The following FLT4 variants were observed in gnomAD, a reference collection of about 807,000 sequenced individuals.
FLT4 encodes fms related receptor tyrosine kinase 4.
In FLT4, 30 loss-of-function variants were observed where a neutral mutation model predicts 163.2. The ratio of observed to expected loss-of-function variants is 0.18; its 90% CI spans 0.14 to 0.25. The LOEUF is 0.25. FLT4 is among the 10% of genes least tolerant of loss of function. The pLI is 1.00. For synonymous variants in FLT4, 884 were observed against 789.5 expected, an observed-to-expected ratio of 1.12 and a Z score of -2.01; for missense variants, 1,510 against 1,863.8, an observed-to-expected ratio of 0.81 and a Z score of 3.50.
At chr5:180,608,670 G>A (rs1384430739) in intron 29 of FLT4, among the ~76,000 whole-genome samples, 1 of 152,140 alleles carries the variant, frequency 6.6e-6, no homozygotes, top group African/African-American at 2.4e-5. Flanking sequence ...GAGAGTGTGT[G>A]TGCCCTGGGC....
In FLT4 at chr5:180,637,681, C is replaced by T. The variant is rs144453623; in HGVS notation, c.59-5903G>A. ...CTGGGTAGCTGGGATTACAGGCATG[C>T]GCCATCACGCCCAGCTAATTTTGTA... On this transcript the variant is annotated intron_variant, in intron 1 of 29. Coordinates refer to ENST00000261937, the MANE Select transcript of FLT4 (RefSeq NM_182925.5). Among the ~76,000 whole-genome samples the T allele has an allele frequency of 3.3e-3, 503 of 152,258 alleles. 1 individual carries two copies. The highest frequency in any genetic ancestry group is 0.011 in the African/African-American group (477 of 41,546).
At chr5:180,629,157 G>C in intron 7 of FLT4, 102 bp downstream of exon 7, 1 of 1,505,426 alleles carries the variant, frequency 6.6e-7, no homozygotes, top group Admixed American at 1.7e-5. Flanking sequence ...CTCTGCTCGT[G>C]GCCCTCCCTT....
intron 1 of FLT4, among the ~76,000 whole-genome samples, chr5:180,635,910 T>G (rs1581697404): frequency 2.3e-5 from 1 of 42,692 alleles, no homozygotes; most frequent in East Asian, 9.1e-4. Context: ...GATGGGTGGG[T>G]GGGTGGGTGG....
chr5:180,632,599 GGTGTGTGTGT>G (rs36217296), intron 1 of FLT4, among the ~76,000 whole-genome samples: 5,459 of 150,682 alleles, frequency 0.036, 290 homozygotes, highest in African/African-American at 0.11. Flanking sequence ...CCCGTGAGGT[GGTGTGTGTGT>G]GTGTGTGTGT....
Position 180,613,048 on chromosome 5 carries a change from T to A in FLT4, c.3394A>T (p.Thr1132Ser), listed in dbSNP as rs1159831646. The A allele has an allele frequency of 6.2e-7, 1 of 1,613,664 alleles. No homozygotes were observed. Among genetic ancestry groups the A allele is most frequent in the Non-Finnish European group, 8.5e-7 (1 of 1,179,746 alleles). ...EEFCQRLRDG[T>S]RMRAPELATP... ...GCCAGCTCCGGGGCCCTCATCCTTG[T>A]GCCGTCTCTCAGCCGCTGGCAGAAC... The change falls in exon 25 of 30, where the codon ACA becomes TCA. Residue 1132 changes from threonine to serine, a missense_variant. Around this residue, in one of 5 missense-constraint regions of FLT4, gnomAD observed 17 missense variants for 76.2 expected, o/e 0.22. Transcript: ENST00000261937.
intron 13 of FLT4, 53 bp downstream of exon 13, chr5:180,621,489 G>A: frequency 6.3e-7 from 1 of 1,596,610 alleles, no homozygotes; most frequent in Non-Finnish European, 8.5e-7. Flanking sequence ...AAAGGCAGAG[G>A]CAGCTACTGC....
intron 27 of FLT4, 71 bp downstream of exon 27, chr5:180,611,260 C>A (rs528055732): frequency 1.0e-5 from 16 of 1,563,492 alleles, no homozygotes; most frequent in South Asian, 5.5e-5. Flanking sequence ...CCCGATGACG[C>A]AGAGGGATAA....
chr5:180,640,947 A>G (rs1176786982), intron 1 of FLT4, among the ~76,000 whole-genome samples: 1 of 152,292 alleles, frequency 6.6e-6, no homozygotes, highest in Non-Finnish European at 1.5e-5. Context: ...ATGATGGCTG[A>G]GTCCACAGGG....
intron 8 of FLT4, among the ~76,000 whole-genome samples, chr5:180,628,658 T>A (rs1361504221): frequency 6.6e-6 from 1 of 152,180 alleles, no homozygotes; most frequent in Non-Finnish European, 1.5e-5. Flanking sequence ...AGAAGGCTGG[T>A]ACTGAAACCT....
Position 180,602,543 on chromosome 5 carries a change from G to A in FLT4, c.*649C>T, listed in dbSNP as rs536466548. ...GCAGGATGGCTCTCAACACCCAGGC[G>A]CAGGTGTGCGGGCTGCCTCTGTGTT... On this transcript the variant is annotated 3_prime_UTR_variant, in exon 30 of 30. Transcript: ENST00000261937. The A allele has an allele frequency of 4.3e-5, 17 of 399,604 alleles. No individual in the cohort carries two copies. Among genetic ancestry groups the A allele is most frequent in the Middle Eastern group, 1.3e-3 (2 of 1,590 alleles). 24.8% of individuals were successfully genotyped at this position (399,604 alleles called of 1,614,324 possible).
In FLT4 at chr5:180,620,404, C is replaced by T; in HGVS notation, c.2407-96G>A. 1 of 1,505,432 alleles carries T rather than the reference C, an allele frequency of 6.6e-7. No individual in the cohort carries two copies. 93.3% of individuals were successfully genotyped at this position (1,505,432 alleles called of 1,614,324 possible). ...CTTTGCCCAGGACAGATGGCACTTC[C>T]TGCGGGGTTCTCAGTCAAGGAGGGG... On this transcript the variant is annotated intron_variant, in intron 16 of 29. Transcript: ENST00000261937. This position sits in a 1 kb window ranked among gnomAD's most constrained non-coding sequence, Gnocchi z 4.4.
intron 8 of FLT4, among the ~76,000 whole-genome samples, chr5:180,627,703 C>T (rs1763742821): frequency 6.6e-6 from 1 of 152,154 alleles, no homozygotes; most frequent in Non-Finnish European, 1.5e-5. Context: ...GAGGCAGCTG[C>T]CTGAGGACTG....
chr5:180,625,164 T>C (rs574626242), intron 10 of FLT4, among the ~76,000 whole-genome samples: 18 of 152,326 alleles, frequency 1.2e-4, no homozygotes, highest in African/African-American at 4.1e-4. Context: ...AATCTCTTGC[T>C]AAAAGGCAAA....
Position 180,614,278 on chromosome 5 carries a change from G to GAGGGAAGCGTGTCCCGCGA in FLT4, c.3220-100_3220-99insTCGCGGGACACGCTTCCCT, listed in dbSNP as rs1762455011. ...GAGACGGAGGGAAGCGTGTCCTGCG[G>GAGGGAAGCGTGTCCCGCGA]TGGATGGGGAGACGGAGGGAAGCGT... On this transcript the variant is annotated intron_variant, in intron 23 of 29. Transcript: ENST00000261937. The GAGGGAAGCGTGTCCCGCGA allele has an allele frequency of 3.7e-5, 27 of 724,466 alleles. No individual in the cohort carries two copies. In the East Asian group the frequency reaches 6.9e-4, roughly 18 times the overall value. 44.9% of individuals were successfully genotyped at this position (724,466 alleles called of 1,614,324 possible).
intron 25 of FLT4, 50 bp downstream of exon 25, chr5:180,612,961 C>T (rs1221970773): frequency 7.0e-7 from 1 of 1,425,482 alleles, no homozygotes; most frequent in Non-Finnish European, 9.8e-7. Flanking sequence ...AACCCCCACG[C>T]CCCCGACGCT....
chr5:180,619,716 C>G lies in FLT4; in HGVS notation c.2596G>C (p.Gly866Arg). 1.2e-6 allele frequency: 2 copies of G among 1,612,670 alleles called. No individual in the cohort carries two copies. The highest frequency in any genetic ancestry group is 8.5e-7 in the Non-Finnish European group (1 of 1,179,914). The change falls in exon 18 of 30, where the codon GGC becomes CGC. Residue 866 changes from glycine to arginine, a missense_variant. Coordinates refer to ENST00000261937, the MANE Select transcript of FLT4 (RefSeq NM_182925.5). ...FGKVVEASAF[G>R]IHKGSSCDTV... is the part of the protein sequence containing the mutation. ...TCACAGCTGCTGCCCTTGTGGATGC[C>G]GAAAGCGGAGGCTTCCACCACCTTC... is the stretch of plus-strand genomic sequence containing the variant.
intron 1 of FLT4, 25 bp from the exon 2 acceptor site, chr5:180,631,803 T>C (rs1469940585): frequency 1.3e-6 from 2 of 1,542,248 alleles, no homozygotes; most frequent in Middle Eastern, 1.7e-4. Context: ...AGGGTCAGCG[T>C]GGTGCTGGGC....
intron 1 of FLT4, among the ~76,000 whole-genome samples, chr5:180,644,899 G>C (rs1332000039): frequency 6.6e-6 from 1 of 152,256 alleles, no homozygotes. Flanking sequence ...GAGCGGGAAC[G>C]AAGCCATCAC....
At position 180,630,497 on chromosome 5, in the gene FLT4, G is replaced by C. The variant is rs1201053047; in HGVS notation, c.400+58C>G. 6.2e-7 allele frequency: 1 copy of C among 1,605,818 alleles called. No individual in the cohort carries two copies. The highest frequency in any genetic ancestry group is 2.2e-5 in the East Asian group (1 of 44,634). On this transcript the variant is annotated intron_variant, in intron 3 of 29. Coordinates refer to ENST00000261937, the MANE Select transcript of FLT4 (RefSeq NM_182925.5). The surrounding 1 kb of genome is among the most constrained non-coding windows in gnomAD (Gnocchi z 6.3). The stretch of plus-strand genomic sequence containing the variant: ...AGCCCAGGGTCCACAGGCTGGGGGC[G>C]GTGTGGGCCCCAGCTGCCCGGGACC...
Sources: gnomAD v4.1 joint callset for allele counts (sites outside exome capture counted in the v4.1 genomes callset) on GRCh38, gnomAD v4.1.1 for gene constraint, gnomAD v4.1.1 regional missense constraint, Gnocchi (gnomAD v3.1) non-coding constraint, MANE v1.5 for transcripts, NCBI Gene and HGNC (gene_info 2026-07-23, HGNC 2026-07-21) for gene names.